Variants in CGNL1 observed in about 807,000 individuals in gnomAD.
CGNL1 encodes cingulin like 1.
A neutral mutation model predicts 141.2 loss-of-function variants in CGNL1; 132 were observed. That is an observed-to-expected ratio of 0.93 (90% CI 0.81 to 1.08). The LOEUF is 1.08. Among genes scored for constraint, CGNL1 ranks in the 50% least tolerant of loss-of-function variants. CGNL1 has a pLI of 0.00. For synonymous variants in CGNL1, 690 were observed against 622.1 expected, an observed-to-expected ratio of 1.11 and a Z score of -1.63; for missense variants, 1,870 against 1,588.6, an observed-to-expected ratio of 1.18 and a Z score of -3.01.
chr15:57,529,011 A>G (rs2031794423), intron 13 of CGNL1, 196 bp downstream of exon 13: 3 of 547,930 alleles, frequency 5.5e-6, no homozygotes, highest in African/African-American at 3.8e-5. Flanking sequence ...CATCAGAGCT[A>G]GAAGGAATGA....
chr15:57,425,511 G>A (rs2062962684), intron 1 of CGNL1, among the ~76,000 whole-genome samples: 1 of 152,260 alleles, frequency 6.6e-6, no homozygotes, highest in Non-Finnish European at 1.5e-5. Flanking sequence ...GGGAGGCCAA[G>A]GTGGGCGGAT....
At chr15:57,423,289 TG>T (rs1157687179) in intron 1 of CGNL1, among the ~76,000 whole-genome samples, 20 of 152,190 alleles carry the variant, frequency 1.3e-4, no homozygotes, top group African/African-American at 4.3e-4. Flanking sequence ...CAGAAATATT[TG>T]AGCATAAATA....
At chr15:57,472,844 A>C (rs2063599918) in intron 8 of CGNL1, among the ~76,000 whole-genome samples, 4 of 152,276 alleles carry the variant, frequency 2.6e-5, no homozygotes, top group Admixed American at 2.0e-4. Flanking sequence ...TTGTAGGAGG[A>C]AAGTTTTTAT....
chr15:57,481,070 T>G (rs1369281404), intron 8 of CGNL1, among the ~76,000 whole-genome samples: 81 of 151,036 alleles, frequency 5.4e-4, no homozygotes, highest in Admixed American at 2.2e-3. Context: ...TGGGGTTTTT[T>G]TTTTTTTTTT....
At chr15:57,424,883 GCAAAATGATCATCCTA>G (rs1381891256) in intron 1 of CGNL1, among the ~76,000 whole-genome samples, 1 of 152,196 alleles carries the variant, frequency 6.6e-6, no homozygotes, top group Non-Finnish European at 1.5e-5. Flanking sequence ...TACAGTTTCA[GCAAAATGATCATCCTA>G]CATATTAATG....
intron 8 of CGNL1, among the ~76,000 whole-genome samples, chr15:57,495,549 T>C (rs922934427): frequency 6.6e-6 from 1 of 152,178 alleles, no homozygotes; most frequent in Non-Finnish European, 1.5e-5. Flanking sequence ...AGGAACACCA[T>C]TAAGGAGAGA....
chr15:57,485,497 C>A (rs2063774639), intron 8 of CGNL1, among the ~76,000 whole-genome samples: 1 of 152,190 alleles, frequency 6.6e-6, no homozygotes, highest in East Asian at 1.9e-4. Flanking sequence ...CTGAGTTATA[C>A]AAAAAATAGG....
intron 1 of CGNL1, among the ~76,000 whole-genome samples, chr15:57,412,142 G>A (rs1247696327): frequency 3.3e-5 from 5 of 152,210 alleles, no homozygotes; most frequent in African/African-American, 1.2e-4. Context: ...GACGGGTGCT[G>A]GTGATGTGCC....
rs138139512 is a variant in CGNL1, at chr15:57,438,965, T to C, written c.966T>C (p.His322=). Residue 322 remains histidine (H), a synonymous_variant, in exon 2 of 19, where the codon CAT becomes CAC. Transcript: ENST00000281282. ...TGGATGATCAGGAATGTGCCATCCATGCCGACAACGTCAATCGTCATGAAA... is the reference window on the plus strand; with the variant it reads ...TGGATGATCAGGAATGTGCCATCCACGCCGACAACGTCAATCGTCATGAAA... ...FLLDDQECAI[H]ADNVNRHENR... The C allele has an allele frequency of 3.8e-5, 61 of 1,614,108 alleles. No individual in the cohort carries two copies. In the African/African-American group the frequency reaches 7.1e-4, roughly 19 times the overall value.
At chr15:57,507,325 A>T (rs1398689746) in intron 8 of CGNL1, among the ~76,000 whole-genome samples, 1 of 152,226 alleles carries the variant, frequency 6.6e-6, no homozygotes, top group African/African-American at 2.4e-5. Context: ...TGTCAAATGC[A>T]TTCTGTGAGC....
At position 57,473,874 on chromosome 15, in the gene CGNL1, ACTTCTTCTT is replaced by A. The variant is rs1270331869; in HGVS notation, c.2403+12001_2403+12009del. Among the ~76,000 whole-genome samples, 322 of 109,778 alleles carry A rather than the reference ACTTCTTCTT, an allele frequency of 2.9e-3. 2 individuals are homozygous for A. Among genetic ancestry groups the A allele is most frequent in the African/African-American group, 0.01 (310 of 29,864 alleles). The allele number at this position is 109,778 out of a possible 152,430, so 72.0% of individuals were successfully genotyped here. A position where few individuals can be genotyped will look rare whatever the true frequency, so the allele number is the denominator to read the frequency against. ...TGAGCCAGAACTGCCTGATTGAGTC[ACTTCTTCTT>A]CTTCTTCTTCTTCTTCTTTTTTTTT... On this transcript the variant is annotated intron_variant, in intron 8 of 18. Coordinates refer to ENST00000281282, the MANE Select transcript of CGNL1 (RefSeq NM_032866.5).
chr15:57,544,452 A>G, intron 15 of CGNL1, 21 bp from the exon 16 acceptor site: 1 of 1,613,862 alleles, frequency 6.2e-7, no homozygotes, highest in Non-Finnish European at 8.5e-7. Context: ...AGCCCCTCAC[A>G]GTCTCCCTGT....
chr15:57,490,788 C>G (rs1306166472), intron 8 of CGNL1, among the ~76,000 whole-genome samples: 1 of 152,146 alleles, frequency 6.6e-6, no homozygotes, highest in Admixed American at 6.5e-5. Flanking sequence ...GTAGAGAAAC[C>G]TGATAAACAT....
chr15:57,480,981 T>C (rs922316969), intron 8 of CGNL1, among the ~76,000 whole-genome samples: 9 of 152,098 alleles, frequency 5.9e-5, no homozygotes, highest in Non-Finnish European at 1.3e-4. Flanking sequence ...CTTAAATGCC[T>C]TCTCTTTGTA....
chr15:57,508,800 G>A (rs760950796), intron 8 of CGNL1, among the ~76,000 whole-genome samples: 10 of 152,214 alleles, frequency 6.6e-5, no homozygotes, highest in Non-Finnish European at 1.5e-4. Flanking sequence ...CATCACCTGG[G>A]AGCTTGTTAG....
intron 1 of CGNL1, among the ~76,000 whole-genome samples, chr15:57,401,756 C>T (rs1269579886): frequency 1.3e-5 from 2 of 152,130 alleles, no homozygotes; most frequent in African/African-American, 2.4e-5. Flanking sequence ...AATTTTATAT[C>T]CAGCAGTCTT....
intron 1 of CGNL1, chr15:57,405,146 T>C (rs1054030145): frequency 1.3e-5 from 2 of 152,204 alleles, no homozygotes; most frequent in African/African-American, 4.8e-5. Flanking sequence ...ATTGTTTTAA[T>C]TTTAGTATAT....
chr15:57,471,640 G>C (rs1055468389), intron 8 of CGNL1, among the ~76,000 whole-genome samples: 1 of 152,200 alleles, frequency 6.6e-6, no homozygotes, highest in African/African-American at 2.4e-5. Context: ...TTCTGGGGGG[G>C]CCTCCTGCTC....
intron 1 of CGNL1, among the ~76,000 whole-genome samples, chr15:57,420,519 T>A (rs377617713): frequency 6.6e-6 from 1 of 152,238 alleles, no homozygotes; most frequent in Non-Finnish European, 1.5e-5. Flanking sequence ...ACCTGGCATC[T>A]ATTTACTTAA....
Sources: allele counts gnomAD v4.1 joint callset (sites outside exome capture counted in the v4.1 genomes callset), GRCh38; gene constraint gnomAD v4.1.1; transcripts MANE v1.5; gene names NCBI Gene and HGNC (gene_info 2026-07-23, HGNC 2026-07-21).